RASGEF1B: variants seen among roughly 807,000 people sequenced by gnomAD.
The protein encoded by RASGEF1B is RasGEF domain family member 1B.
A neutral mutation model predicts 65.7 loss-of-function variants in RASGEF1B; 30 were observed. That is an observed-to-expected ratio of 0.46 (90% CI 0.34 to 0.62). RASGEF1B has a LOEUF of 0.62. Ranked by LOEUF, RASGEF1B falls within the 20% of genes least tolerant of loss-of-function variation. The pLI, the probability that RASGEF1B is intolerant of heterozygous loss-of-function variation, is 0.01. For missense variants in RASGEF1B, 495 were observed against 580.1 expected (o/e 0.85, Z 1.51); for synonymous variants, 175 against 194.8 (o/e 0.90, Z 0.85).
At chr4:81,446,998 G>A (rs965139009) in intron 6 of RASGEF1B, among the ~76,000 whole-genome samples, 6 of 152,140 alleles carry the variant, frequency 3.9e-5, no homozygotes, top group African/African-American at 1.4e-4. Flanking sequence ...GACAGTCCCT[G>A]CCCAGCATTA....
At chr4:81,442,437 C>T (rs1404078077) in intron 8 of RASGEF1B, 61 bp from the exon 9 acceptor site, 9 of 922,260 alleles carry the variant, frequency 9.8e-6, no homozygotes, top group South Asian at 6.6e-5. Context: ...ATAAGAAAAA[C>T]GATAAACACA....
At chr4:81,449,839 T>A (rs1822816) in intron 4 of RASGEF1B, among the ~76,000 whole-genome samples, 23,207 of 152,190 alleles carry the variant, frequency 0.15, 1,934 homozygotes, top group South Asian at 0.25. Flanking sequence ...ACAACATATC[T>A]AGAAATGGTT....
intron 1 of RASGEF1B, among the ~76,000 whole-genome samples, chr4:81,463,932 A>G (rs898832538): frequency 2.6e-5 from 4 of 152,214 alleles, no homozygotes; most frequent in Non-Finnish European, 4.4e-5. Context: ...ATGAGAATCC[A>G]GGCAAGTATT....
intron 13 of RASGEF1B, among the ~76,000 whole-genome samples, chr4:81,430,728 A>G (rs892941504): frequency 3.3e-5 from 5 of 152,240 alleles, no homozygotes; most frequent in Non-Finnish European, 1.5e-5. Flanking sequence ...AGACGTGGGA[A>G]GACATTATAC....
chr4:81,429,374 G>T (rs1721338183), intron 13 of RASGEF1B, among the ~76,000 whole-genome samples: 1 of 152,188 alleles, frequency 6.6e-6, no homozygotes, highest in South Asian at 2.1e-4. Flanking sequence ...TTATACCAAA[G>T]AATATAATTT....
chr4:81,462,308 A>T (rs1204300365), intron 1 of RASGEF1B, among the ~76,000 whole-genome samples: 4 of 152,200 alleles, frequency 2.6e-5, no homozygotes, highest in Non-Finnish European at 5.9e-5. Context: ...TATTTCTCTG[A>T]AGAGGTGCAA....
In RASGEF1B at chr4:81,452,570, T is replaced by C. The variant is rs1722300722; in HGVS notation, c.438+4081A>G. On this transcript the variant is annotated intron_variant, in intron 4 of 13. Coordinates refer to ENST00000264400, the MANE Select transcript of RASGEF1B (RefSeq NM_152545.3). Reference sequence around the variant, plus strand: ...ACTAGTGTGTGAGCATGTGAGAGAGTGTATGTATATGACCTCTTTTAAAAG... The same window carrying C: ...ACTAGTGTGTGAGCATGTGAGAGAGCGTATGTATATGACCTCTTTTAAAAG... The C allele has an allele frequency of 2.0e-5, 3 of 152,184 alleles. No homozygotes were observed. In the South Asian group the frequency reaches 6.2e-4, roughly 31 times the overall value. The allele number at this position is 152,184 out of a possible 1,614,324, so 9.4% of individuals were successfully genotyped here.
intron 4 of RASGEF1B, chr4:81,451,445 C>T (rs1722253780): frequency 1.3e-5 from 2 of 152,110 alleles, no homozygotes; most frequent in Non-Finnish European, 2.9e-5. Flanking sequence ...GTGATGAATA[C>T]TAGGTAAACA....
At chr4:81,434,061 T>C (rs1721525786) in intron 11 of RASGEF1B, 98 bp from the exon 12 acceptor site, 1 of 1,062,960 alleles carries the variant, frequency 9.4e-7, no homozygotes, top group South Asian at 1.4e-5. Context: ...CTTCTTATTT[T>C]ATTAAGGAGA....
At chr4:81,466,957 A>G (rs1041526394) in intron 1 of RASGEF1B, among the ~76,000 whole-genome samples, 1 of 148,282 alleles carries the variant, frequency 6.7e-6, no homozygotes, top group Non-Finnish European at 1.5e-5. Flanking sequence ...AAAAAAAAAG[A>G]AAAAAAAGGT....
chr4:81,459,525 T>A lies in RASGEF1B; in HGVS notation c.-6-11A>T. ...CTGAGGCATACTTTCCTAAAAGGAA[T>A]AAAAAAGAAGAAAAAATAATGTCAG... On this transcript the variant is annotated splice_polypyrimidine_tract_variant and intron_variant, in intron 1 of 13. Transcript: ENST00000264400. 6.5e-7 allele frequency: 1 copy of A among 1,542,204 alleles called. No individual in the cohort carries two copies. The highest frequency in any genetic ancestry group is 8.7e-7 in the Non-Finnish European group (1 of 1,147,802).
intron 1 of RASGEF1B, among the ~76,000 whole-genome samples, chr4:81,466,790 G>GAA (rs1376511958): frequency 2.1e-5 from 3 of 142,726 alleles, no homozygotes; most frequent in Non-Finnish European, 4.6e-5. Flanking sequence ...AAGAAAGAAA[G>GAA]AAAGAAAGAA....
At chr4:81,429,587 C>G (rs569001498) in intron 13 of RASGEF1B, among the ~76,000 whole-genome samples, 12 of 152,326 alleles carry the variant, frequency 7.9e-5, no homozygotes, top group African/African-American at 2.9e-4. Flanking sequence ...ACGCCCCCAT[C>G]TTGGGCCTAT....
In RASGEF1B at chr4:81,468,895, A is replaced by G. The variant is rs188380255; in HGVS notation, c.-7+2875T>C. Among the ~76,000 whole-genome samples, 108 of 152,350 alleles carry G rather than the reference A, an allele frequency of 7.1e-4. 1 individual carries two copies. The highest frequency in any genetic ancestry group is 3.4e-3 in the Middle Eastern group (1 of 294). ...AACTCCCCACAGTCGTTTTATAGAC[A>G]CTGCAGGCATAGAGAAAAAATAAAT... On this transcript the variant is annotated intron_variant, in intron 1 of 13. Transcript: ENST00000264400.
Position 81,434,572 on chromosome 4 carries a change from T to C in RASGEF1B, c.1200+67A>G, listed in dbSNP as rs72663850. 6.5e-3 allele frequency: 5,660 copies of C among 868,824 alleles called. 47 individuals carry two copies. Among genetic ancestry groups the C allele is most frequent in the Middle Eastern group, 0.037 (170 of 4,656 alleles). The allele number at this position is 868,824 out of a possible 1,614,324, so 53.8% of individuals were successfully genotyped here. A position where few individuals can be genotyped will look rare whatever the true frequency, so the allele number is the denominator to read the frequency against. On this transcript the variant is annotated intron_variant, in intron 11 of 13. Coordinates refer to ENST00000264400, the MANE Select transcript of RASGEF1B (RefSeq NM_152545.3). ...TTGGCTTTGGCTGCCTGGCCAGGAA[T>C]GCGGTGCTGGAGAAGCTGCCCCTCT...
At position 81,427,750 on chromosome 4, in the gene RASGEF1B, G is replaced by C; in HGVS notation, c.*18C>G. The C allele has an allele frequency of 1.2e-6, 2 of 1,613,678 alleles. No individual in the cohort carries two copies. Among genetic ancestry groups the C allele is most frequent in the Non-Finnish European group, 1.7e-6 (2 of 1,179,938 alleles). ...CTGCAGGAAGCAGCAGCAGCAGCAG[G>C]CAGGCAGCTCCCATGTGTTAAACTC... is the stretch of plus-strand genomic sequence containing the variant. On this transcript the variant is annotated 3_prime_UTR_variant, in exon 14 of 14. Coordinates refer to ENST00000264400, the MANE Select transcript of RASGEF1B (RefSeq NM_152545.3).
rs1313800283 is a variant in RASGEF1B at position 81,447,633 on chromosome 4, C to T, written c.655-55G>A. 4 of 1,302,994 alleles carry T rather than the reference C, an allele frequency of 3.1e-6. No homozygotes were observed. In the African/African-American group the frequency reaches 4.4e-5, roughly 14 times the overall value. 80.7% of individuals were successfully genotyped at this position (1,302,994 alleles called of 1,614,324 possible). On this transcript the variant is annotated intron_variant, in intron 5 of 13. Coordinates refer to ENST00000264400, the MANE Select transcript of RASGEF1B (RefSeq NM_152545.3). ...ATTAAAGAAAATGAAAAGAAATGGACTGTCAACTCCCTCTATGACTATTGG... is the reference window on the plus strand; with the variant it reads ...ATTAAAGAAAATGAAAAGAAATGGATTGTCAACTCCCTCTATGACTATTGG...
chr4:81,465,039 G>A (rs1298052213), intron 1 of RASGEF1B, among the ~76,000 whole-genome samples: 1 of 150,518 alleles, frequency 6.6e-6, no homozygotes, highest in African/African-American at 2.5e-5. Flanking sequence ...AGCTAAGATC[G>A]TGCCATTGCA....
intron 1 of RASGEF1B, among the ~76,000 whole-genome samples, chr4:81,462,351 G>C (rs1722677471): frequency 6.6e-6 from 1 of 152,048 alleles, no homozygotes; most frequent in African/African-American, 2.4e-5. Flanking sequence ...CCTCCAACAA[G>C]GCACTAAAAG....
Sources: gnomAD v4.1 joint callset for allele counts (sites outside exome capture counted in the v4.1 genomes callset) on GRCh38, gnomAD v4.1.1 for gene constraint, MANE v1.5 for transcripts, NCBI Gene and HGNC (gene_info 2026-07-23, HGNC 2026-07-21) for gene names.